TDRD9: variants seen among roughly 807,000 people sequenced by gnomAD.
The protein encoded by TDRD9 is ATP-dependent RNA helicase TDRD9.
TDRD9 carries 124 observed loss-of-function variants against 172.6 expected under a neutral mutation model. That is an observed-to-expected ratio of 0.72 (90% confidence interval 0.62 to 0.83). TDRD9 has a LOEUF of 0.83. Ranked by LOEUF, TDRD9 falls within the 40% of genes least tolerant of loss-of-function variation. The pLI, the probability that TDRD9 is intolerant of heterozygous loss-of-function variation, is 0.00. For missense variants in TDRD9, 1,479 were observed against 1,714.1 expected (o/e 0.86, Z 2.42); for synonymous variants, 619 against 617.1 (o/e 1.00, Z -0.05).
At chr14:104,035,381 G>A (rs1438239602) in intron 32 of TDRD9, among the ~76,000 whole-genome samples, 1 of 152,234 alleles carries the variant, frequency 6.6e-6, no homozygotes, top group East Asian at 1.9e-4. Context: ...TTAATGGGTG[G>A]TGAATGTGAT....
At chr14:103,996,946 G>C (rs2034080311) in intron 12 of TDRD9, among the ~76,000 whole-genome samples, 1 of 152,080 alleles carries the variant, frequency 6.6e-6, no homozygotes, top group Admixed American at 6.5e-5. Context: ...GGTAGGAGAA[G>C]GCAAGAGTGT....
At chr14:103,935,501 G>T (rs1002696499) in intron 1 of TDRD9, among the ~76,000 whole-genome samples, 3 of 152,196 alleles carry the variant, frequency 2.0e-5, no homozygotes, top group African/African-American at 7.2e-5. Flanking sequence ...GGGATACCAG[G>T]ATTGATTTTG....
In TDRD9 at chr14:104,011,433, G is replaced by A. The variant is rs182505355; in HGVS notation, c.2106+2967G>A. The stretch of plus-strand genomic sequence containing the variant: ...AGGATGAACATCTTTCTGTACCCAG[G>A]AACCATTTTAATCAACAGTTTAATA... On this transcript the variant is annotated intron_variant, in intron 20 of 35. Coordinates refer to ENST00000409874, the MANE Select transcript of TDRD9 (RefSeq NM_153046.3). 2.0e-3 allele frequency among the ~76,000 whole-genome samples: 298 copies of A among 152,208 alleles called. 2 individuals carry two copies. Among genetic ancestry groups the A allele is most frequent in the Non-Finnish European group, 3.7e-3 (249 of 68,010 alleles).
At chr14:104,046,435 A>G (rs1316141233) in intron 34 of TDRD9, among the ~76,000 whole-genome samples, 2 of 152,166 alleles carry the variant, frequency 1.3e-5, no homozygotes, top group South Asian at 2.1e-4. Flanking sequence ...CATTTTTTGC[A>G]TATGAACATC....
intron 4 of TDRD9, 107 bp from the exon 5 acceptor site, chr14:103,966,602 G>A (rs1595924162): frequency 2.7e-6 from 3 of 1,129,998 alleles, no homozygotes; most frequent in Admixed American, 3.0e-5. Context: ...TGTATCTTTC[G>A]AAATACCTTA....
chr14:103,969,598 A>G (rs923340867), intron 5 of TDRD9, among the ~76,000 whole-genome samples: 14 of 152,200 alleles, frequency 9.2e-5, no homozygotes, highest in Admixed American at 3.9e-4. Context: ...AGGGCCTGGA[A>G]TAGAATTACT....
At chr14:104,023,851 C>A (rs533956437) in intron 24 of TDRD9, among the ~76,000 whole-genome samples, 1 of 152,138 alleles carries the variant, frequency 6.6e-6, no homozygotes, top group South Asian at 2.1e-4. Flanking sequence ...GAAGGCCTGT[C>A]CTGCTCTAGT....
intron 23 of TDRD9, among the ~76,000 whole-genome samples, chr14:104,021,487 G>A (rs533420174): frequency 2.6e-5 from 4 of 152,250 alleles, no homozygotes; most frequent in African/African-American, 9.6e-5. Flanking sequence ...GAGGTAAGGA[G>A]ATTGAGACCA....
At chr14:103,955,796 A>C (rs1258622579) in intron 2 of TDRD9, 26 bp downstream of exon 2, 2 of 1,526,244 alleles carry the variant, frequency 1.3e-6, no homozygotes, top group East Asian at 4.9e-5. Flanking sequence ...TAAATATTTT[A>C]GATAGGATGC....
chr14:103,929,594 A>T (rs2030232930), intron 1 of TDRD9, among the ~76,000 whole-genome samples: 1 of 146,888 alleles, frequency 6.8e-6, no homozygotes, highest in South Asian at 2.1e-4. Flanking sequence ...ATCTCGCCTC[A>T]CTGCAATCTC....
intron 2 of TDRD9, among the ~76,000 whole-genome samples, chr14:103,959,491 TACACACAC>T (rs147603782): frequency 6.7e-6 from 1 of 148,348 alleles, no homozygotes; most frequent in Non-Finnish European, 1.5e-5. Context: ...TATGTATACA[TACACACAC>T]ACACACACAG....
chr14:103,972,164 G>A (rs148246297), intron 6 of TDRD9, among the ~76,000 whole-genome samples: 43 of 151,722 alleles, frequency 2.8e-4, no homozygotes, highest in Middle Eastern at 3.4e-3. Context: ...AGAATTAGCC[G>A]GGCGTGGTGG....
intron 5 of TDRD9, among the ~76,000 whole-genome samples, chr14:103,967,372 A>AG (rs2032798395): frequency 6.6e-6 from 1 of 150,392 alleles, no homozygotes; most frequent in Non-Finnish European, 1.5e-5. Context: ...AAAAAAAAAA[A>AG]AGATTAGCTG....
In TDRD9 at chr14:103,953,137, G is replaced by A. The variant is rs562496038; in HGVS notation, c.216-2527G>A. Among the ~76,000 whole-genome samples, 14 of 152,176 alleles carry A rather than the reference G, an allele frequency of 9.2e-5. No homozygotes were observed. The South Asian group carries it at 2.9e-3, about 32-fold the overall frequency. On this transcript the variant is annotated intron_variant, in intron 1 of 35. Transcript: ENST00000409874. Reference sequence around the variant, plus strand: ...GCTGTTAAACTAAAAGTCAGATATTGTTATTTCTCTCTCTGCTCAAAACCC... The same window carrying A: ...GCTGTTAAACTAAAAGTCAGATATTATTATTTCTCTCTCTGCTCAAAACCC...
chr14:104,030,559 T>A (rs895885516), intron 28 of TDRD9, among the ~76,000 whole-genome samples: 1 of 152,246 alleles, frequency 6.6e-6, no homozygotes, highest in Non-Finnish European at 1.5e-5. Context: ...AATTCTCTAA[T>A]GGGTAAAATG....
chr14:104,025,888 C>A, intron 26 of TDRD9, 112 bp downstream of exon 26: 1 of 1,063,598 alleles, frequency 9.4e-7, no homozygotes, highest in Non-Finnish European at 1.4e-6. Flanking sequence ...TTGCAGTTAG[C>A]AAAGTAGTCT....
intron 32 of TDRD9, among the ~76,000 whole-genome samples, chr14:104,037,840 G>A (rs944788371): frequency 1.3e-5 from 2 of 152,184 alleles, no homozygotes; most frequent in African/African-American, 2.4e-5. Context: ...CCCGGAGTGC[G>A]TCACTCCTCT....
chr14:103,938,440 A>ATT lies in TDRD9; in HGVS notation c.215+9731_215+9732dup, dbSNP rs71126087. Among the ~76,000 whole-genome samples the ATT allele has an allele frequency of 1.1e-3, 51 of 44,538 alleles. 2 individuals are homozygous for ATT. Among genetic ancestry groups the ATT allele is most frequent in the Admixed American group, 3.9e-3 (8 of 2,056 alleles). 29.2% of individuals were successfully genotyped at this position (44,538 alleles called of 152,430 possible). A position where few individuals can be genotyped will look rare whatever the true frequency, so the allele number is the denominator to read the frequency against. On this transcript the variant is annotated intron_variant, in intron 1 of 35. Coordinates refer to ENST00000409874, the MANE Select transcript of TDRD9 (RefSeq NM_153046.3). Reference sequence around the variant, plus strand: ...TATATATATATATATATATATATATATTTTTTTTTTTTTTTTGAGATGGTG... The same window carrying ATT: ...TATATATATATATATATATATATATATTTTTTTTTTTTTTTTTTGAGATGGTG...
At position 103,965,412 on chromosome 14, in the gene TDRD9, A is replaced by G. The variant is rs931465992; in HGVS notation, c.500A>G (p.Gln167Arg). The stretch of plus-strand genomic sequence containing the variant: ...AGCGGTAAAAGCACTCAGCTCCCGC[A>G]GTATATCTTGGACCACTACGTTCAG... ...TGSGKSTQLP[Q>R]YILDHYVQRS... The change falls in exon 4 of 36, where the codon CAG (glutamine) becomes CGG (arginine). Residue 167 changes from glutamine (Q) to arginine (R), a missense_variant. Gln to Arg is a conservative substitution (Grantham distance 43). This residue lies in a region of TDRD9 where 1,413 missense variants were observed against 1,649.1 expected (regional missense o/e 0.86). Coordinates refer to ENST00000409874, the MANE Select transcript of TDRD9 (RefSeq NM_153046.3). 6.4e-6 allele frequency: 10 copies of G among 1,551,614 alleles called. No homozygotes were observed. Among genetic ancestry groups the G allele is most frequent in the African/African-American group, 1.4e-5 (1 of 73,052 alleles).
Sources: gnomAD v4.1 joint callset for allele counts (sites outside exome capture counted in the v4.1 genomes callset) on GRCh38, gnomAD v4.1.1 for gene constraint, gnomAD v4.1.1 regional missense constraint, MANE v1.5 for transcripts, NCBI Gene and HGNC (gene_info 2026-07-23, HGNC 2026-07-21) for gene names.